Variants in BRSK1 observed in about 807,000 individuals in gnomAD.
BRSK1 encodes serine/threonine-protein kinase BRSK1.
BRSK1 carries 17 observed loss-of-function variants against 86.2 expected under a neutral mutation model. That is an observed-to-expected ratio of 0.20 (90% CI 0.14 to 0.30). The LOEUF is 0.30. Ranked by LOEUF, BRSK1 falls within the 10% of genes least tolerant of loss-of-function variation. The pLI, the probability that BRSK1 is intolerant of heterozygous loss-of-function variation, is 1.00. For synonymous variants in BRSK1, 464 were observed against 440.1 expected (o/e 1.05, Z -0.68); for missense variants, 719 against 1,071.9 (o/e 0.67, Z 4.60).
At chr19:55,300,306 C>A (rs934713532) in intron 7 of BRSK1, among the ~76,000 whole-genome samples, 1 of 152,186 alleles carries the variant, frequency 6.6e-6, no homozygotes, top group East Asian at 1.9e-4. Flanking sequence ...TCAGTTCATT[C>A]TGATGCAGTC....
At chr19:55,296,689 A>C (rs542678211) in intron 7 of BRSK1, among the ~76,000 whole-genome samples, 100 of 152,284 alleles carry the variant, frequency 6.6e-4, no homozygotes, top group African/African-American at 2.3e-3. Flanking sequence ...TACTAAAAAT[A>C]CAAAAAAAAT....
At position 55,301,667 on chromosome 19, in the gene BRSK1, A is replaced by AG. The variant is rs767436983; in HGVS notation, c.825+16dup. ...CCGAAAAAAGGCTCAGTGTGAGTTGAGGGGGGGACCGGCGGAGGGGGGAAC... is the reference window on the plus strand; with the variant it reads ...CCGAAAAAAGGCTCAGTGTGAGTTGAGGGGGGGGACCGGCGGAGGGGGGAAC... On this transcript the variant is annotated intron_variant, in intron 8 of 18. Coordinates refer to ENST00000309383, the MANE Select transcript of BRSK1 (RefSeq NM_032430.2). 29 of 1,608,764 alleles carry AG rather than the reference A, an allele frequency of 1.8e-5. No individual in the cohort carries two copies. The highest frequency in any genetic ancestry group is 4.5e-5 in the East Asian group (2 of 44,674).
chr19:55,294,312 C>A lies in BRSK1; in HGVS notation c.610-17C>A. The A allele has an allele frequency of 6.2e-7, 1 of 1,614,162 alleles. No individual in the cohort carries two copies. The highest frequency in any genetic ancestry group is 1.6e-4 in the Middle Eastern group (1 of 6,062). ...GCAGTGAGGAGCGATGAAGTCACAA[C>A]TGGCCTTCCCTTCCAGGGGGAAAAA... On this transcript the variant is annotated splice_polypyrimidine_tract_variant and intron_variant, in intron 6 of 18. Transcript: ENST00000309383. The surrounding 1 kb of genome is among the most constrained non-coding windows in gnomAD (Gnocchi z 4.9).
chr19:55,284,017 CG>C lies in BRSK1; in HGVS notation c.-424del. On this transcript the variant is annotated 5_prime_UTR_variant, in exon 1 of 19. An upstream open reading frame in the 5' UTR loses its in-frame stop. Coordinates refer to ENST00000309383, the MANE Select transcript of BRSK1 (RefSeq NM_032430.2). ...TCCCCGGATGGTGATGTCAGCGTGC[CG>C]GAGAGAAAGGACGAGGTGGCGGGGG... is the stretch of plus-strand genomic sequence containing the variant. The C allele has an allele frequency of 8.1e-7, 1 of 1,230,494 alleles. No homozygotes were observed. The highest frequency in any genetic ancestry group is 3.8e-5 in the South Asian group (1 of 26,236). 76.2% of individuals were successfully genotyped at this position (1,230,494 alleles called of 1,614,324 possible).
At position 55,284,490 on chromosome 19, in the gene BRSK1, C is replaced by CCGGGCG; in HGVS notation, c.49_50insGGGCGC (p.His16_Leu17insArgAla). The stretch of plus-strand genomic sequence containing the variant: ...GAGGTGGGGGCTCTCCCGCCTACCA[C>CCGGGCG]CTCCCCCACCCCCACCCCCACCCAC... On this transcript the variant is annotated inframe_insertion, in exon 1 of 19. Coordinates refer to ENST00000309383, the MANE Select transcript of BRSK1 (RefSeq NM_032430.2). 1 of 1,125,956 alleles carries CCGGGCG rather than the reference C, an allele frequency of 8.9e-7. No individual in the cohort carries two copies. The highest frequency in any genetic ancestry group is 1.2e-6 in the Non-Finnish European group (1 of 838,974). The allele number at this position is 1,125,956 out of a possible 1,614,324, so 69.7% of individuals were successfully genotyped here. A position where few individuals can be genotyped will look rare whatever the true frequency, so the allele number is the denominator to read the frequency against.
At chr19:55,285,945 A>G (rs2088303343) in intron 1 of BRSK1, among the ~76,000 whole-genome samples, 1 of 150,340 alleles carries the variant, frequency 6.7e-6, no homozygotes, top group African/African-American at 2.4e-5. Context: ...TCAGACCTGG[A>G]CTGGGTCTGA....
Position 55,304,990 on chromosome 19 carries a change from G to A in BRSK1, c.1717+70G>A. The A allele has an allele frequency of 6.3e-7, 1 of 1,580,174 alleles. No individual in the cohort carries two copies. Among genetic ancestry groups the A allele is most frequent in the Non-Finnish European group, 8.5e-7 (1 of 1,170,750 alleles). On this transcript the variant is annotated intron_variant, in intron 14 of 18. Transcript: ENST00000309383. This position sits in a 1 kb window ranked among gnomAD's most constrained non-coding sequence, Gnocchi z 5.2. ...GGGCTAAAAATCTGGTTCCAGGGAT[G>A]TCCGTCTGGCGTGTCTAGAGAGGAA...
rs988890261 is a variant in BRSK1 at position 55,300,560 on chromosome 19, T to C, written c.679-952T>C. Among the ~76,000 whole-genome samples, 15 of 151,474 alleles carry C rather than the reference T, an allele frequency of 9.9e-5. No individual in the cohort carries two copies. The East Asian group carries it at 2.7e-3, about 28-fold the overall frequency. On this transcript the variant is annotated intron_variant, in intron 7 of 18. Transcript: ENST00000309383. ...TCTGCTAAAAATACAAAAATTAGGC[T>C]GGGTGTGGTGGCTCACGCCTGTAAT... is the stretch of plus-strand genomic sequence containing the variant.
chr19:55,294,311 A>G lies in BRSK1; in HGVS notation c.610-18A>G, dbSNP rs763779659. 1.9e-6 allele frequency: 3 copies of G among 1,614,128 alleles called. No homozygotes were observed. The highest frequency in any genetic ancestry group is 2.5e-6 in the Non-Finnish European group (3 of 1,180,036). On this transcript the variant is annotated intron_variant, in intron 6 of 18. Transcript: ENST00000309383. This position sits in a 1 kb window ranked among gnomAD's most constrained non-coding sequence, Gnocchi z 4.9. ...AGCAGTGAGGAGCGATGAAGTCACA[A>G]CTGGCCTTCCCTTCCAGGGGGAAAA...
chr19:55,305,554 A>G lies in BRSK1; in HGVS notation c.1858A>G (p.Ile620Val), dbSNP rs1264990132. The change falls in exon 16 of 19, where the codon ATC becomes GTC. Residue 620 changes from isoleucine to valine, a missense_variant. By Grantham distance (29) the Ile-to-Val change is conservative (BLOSUM62 3). Transcript: ENST00000309383. ...LVLKDKPLSS[I>V]KADIVHAFLS... ...GCTAAAGGACAAACCTCTCAGCAGC[A>G]TCAAAGCAGACATCGTCCATGCCTT... 1.2e-6 allele frequency: 2 copies of G among 1,614,202 alleles called. No homozygotes were observed. Among genetic ancestry groups the G allele is most frequent in the Non-Finnish European group, 1.7e-6 (2 of 1,180,028 alleles).
At chr19:55,293,987 A>T (rs2088447124) in intron 4 of BRSK1, 30 bp from the exon 5 acceptor site, 12 of 1,579,454 alleles carry the variant, frequency 7.6e-6, no homozygotes, top group Non-Finnish European at 1.0e-5. Flanking sequence ...GGAGGAAGGA[A>T]GAGGCCTGAG....
chr19:55,308,651 G>T lies in BRSK1; in HGVS notation c.2102G>T (p.Arg701Leu). 1 of 1,609,766 alleles carries T rather than the reference G, an allele frequency of 6.2e-7. No homozygotes were observed. Among genetic ancestry groups the T allele is most frequent in the Non-Finnish European group, 8.5e-7 (1 of 1,178,032 alleles). Residue 701 changes from arginine to leucine, a missense_variant, in exon 18 of 19, where the codon CGG becomes CTG. By Grantham distance (102) the Arg-to-Leu change is moderately radical (BLOSUM62 -2). Coordinates refer to ENST00000309383, the MANE Select transcript of BRSK1 (RefSeq NM_032430.2). The stretch of plus-strand genomic sequence containing the variant: ...CCTGTGCCTCTAGGTCCCAGCCGTC[G>T]GTTCAAGCGAGTGGTGGAGACCATC... The part of the protein sequence containing the change: ...TFTLISGPSR[R>L]FKRVVETIQA...
chr19:55,304,589 A>G lies in BRSK1; in HGVS notation c.1386A>G (p.Gly462=). ...CCTTTTCACCGGAGCCGGGGGCTGG[A>G]GATGAGGCTCGAGGCGGGGGCTCCC... ...VFSFSPEPGA[G]DEARGGGSPT... is the part of the protein sequence containing the mutation. Residue 462 remains glycine (G), a synonymous_variant, in exon 14 of 19, where the codon GGA becomes GGG. Transcript: ENST00000309383. The surrounding 1 kb of genome is among the most constrained non-coding windows in gnomAD (Gnocchi z 5.2). 6.3e-7 allele frequency: 1 copy of G among 1,585,706 alleles called. No homozygotes were observed.
rs1198824970 is a variant in BRSK1, at chr19:55,310,127, G to A, written c.2179+1399G>A. ...GTTTCACCCCGTGTTTGTTTTCTATGGCCGCCGTCAACAAATGACACAGCC... is the reference window on the plus strand; with the variant it reads ...GTTTCACCCCGTGTTTGTTTTCTATAGCCGCCGTCAACAAATGACACAGCC... On this transcript the variant is annotated intron_variant, in intron 18 of 18. Transcript: ENST00000309383. This position sits in a 1 kb window ranked among gnomAD's most constrained non-coding sequence, Gnocchi z 5.0. 6.6e-6 allele frequency among the ~76,000 whole-genome samples: 1 copy of A among 152,216 alleles called. No homozygotes were observed. The highest frequency in any genetic ancestry group is 2.4e-5 in the African/African-American group (1 of 41,464).
In BRSK1 at chr19:55,302,775, C is replaced by A; in HGVS notation, c.936C>A (p.Asn312Lys). 3.7e-6 allele frequency: 6 copies of A among 1,613,812 alleles called. No individual in the cohort carries two copies. Among genetic ancestry groups the A allele is most frequent in the South Asian group, 2.2e-5 (2 of 91,084 alleles). ...TAGCCATGCGGAGCCTGCCATCCAACGGAGAGCTGGACCCCGACGTCCTAG... is the reference window on the plus strand; with the variant it reads ...TAGCCATGCGGAGCCTGCCATCCAAAGGAGAGCTGGACCCCGACGTCCTAG... ...RRVAMRSLPS[N>K]GELDPDVLES... is the part of the protein sequence containing the mutation. The change falls in exon 10 of 19, where the codon AAC (asparagine) becomes AAA (lysine). Residue 312 changes from asparagine (N) to lysine (K), a missense_variant. Physicochemically the swap from Asn to Lys is moderately conservative, Grantham distance 94. This residue lies in a region of BRSK1 where 168 missense variants were observed against 246.3 expected (regional missense o/e 0.68). Coordinates refer to ENST00000309383, the MANE Select transcript of BRSK1 (RefSeq NM_032430.2). The surrounding 1 kb of genome is among the most constrained non-coding windows in gnomAD (Gnocchi z 6.3).
Position 55,304,718 on chromosome 19 carries a change from C to T in BRSK1, c.1515C>T (p.Pro505=). 4.0e-6 allele frequency: 6 copies of T among 1,507,214 alleles called. No homozygotes were observed. The highest frequency in any genetic ancestry group is 1.3e-5 in the South Asian group (1 of 79,166). 93.4% of individuals were successfully genotyped at this position (1,507,214 alleles called of 1,614,324 possible). The part of the protein sequence containing the change: ...PSARSTPLPG[P]PGSPRSSGGT... The stretch of plus-strand genomic sequence containing the variant: ...CCCGCTCCACACCCCTGCCCGGCCC[C>T]CCAGGCTCCCCGCGCTCCTCTGGCG... The change falls in exon 14 of 19, where the codon CCC becomes CCT. Residue 505 remains proline, a synonymous_variant. Coordinates refer to ENST00000309383, the MANE Select transcript of BRSK1 (RefSeq NM_032430.2). This position sits in a 1 kb window ranked among gnomAD's most constrained non-coding sequence, Gnocchi z 5.2.
At position 55,303,357 on chromosome 19, in the gene BRSK1, G is replaced by A. The variant is rs1338557061; in HGVS notation, c.1075G>A (p.Glu359Lys). 6.2e-7 allele frequency: 1 copy of A among 1,614,006 alleles called. No homozygotes were observed. The highest frequency in any genetic ancestry group is 8.5e-7 in the Non-Finnish European group (1 of 1,180,004). ...ATATTATCTGCTTTTGGATCGGAAGGAGCGGTATCCCAGCTGTGAGGACCA... is the reference window on the plus strand; with the variant it reads ...ATATTATCTGCTTTTGGATCGGAAGAAGCGGTATCCCAGCTGTGAGGACCA... ...MIYYLLLDRK[E>K]RYPSCEDQDL... Residue 359 changes from glutamate (E) to lysine (K), a missense_variant, in exon 11 of 19, where the codon GAG becomes AAG. Around this residue, in one of 6 missense-constraint regions of BRSK1, gnomAD observed 168 missense variants for 246.3 expected, o/e 0.68. Transcript: ENST00000309383. This position sits in a 1 kb window ranked among gnomAD's most constrained non-coding sequence, Gnocchi z 5.1.
At position 55,284,492 on chromosome 19, in the gene BRSK1, T is replaced by TC; in HGVS notation, c.55dup (p.His19ProfsTer31). The TC allele has an allele frequency of 1.4e-5, 11 of 776,226 alleles. No individual in the cohort carries two copies. The highest frequency in any genetic ancestry group is 2.0e-5 in the Non-Finnish European group (11 of 546,142). 48.1% of individuals were successfully genotyped at this position (776,226 alleles called of 1,614,324 possible). A position where few individuals can be genotyped will look rare whatever the true frequency, so the allele number is the denominator to read the frequency against. On this transcript the variant is annotated frameshift_variant, in exon 1 of 19. Transcript: ENST00000309383. LOFTEE classifies it high-confidence loss of function. ...GGTGGGGGCTCTCCCGCCTACCACCTCCCCCACCCCCACCCCCACCCACCC... is the reference window on the plus strand; with the variant it reads ...GGTGGGGGCTCTCCCGCCTACCACCTCCCCCCACCCCCACCCCCACCCACCC...
chr19:55,296,298 T>C (rs1469498487), intron 7 of BRSK1, among the ~76,000 whole-genome samples: 3 of 152,206 alleles, frequency 2.0e-5, no homozygotes, highest in Non-Finnish European at 4.4e-5. Flanking sequence ...TCAGGGCCGA[T>C]GTCTGGGGCA....
Sources: allele counts gnomAD v4.1 joint callset (sites outside exome capture counted in the v4.1 genomes callset), GRCh38; gene constraint gnomAD v4.1.1; regional missense constraint gnomAD v4.1.1; non-coding constraint Gnocchi (gnomAD v3.1); transcripts MANE v1.5; gene names NCBI Gene and HGNC (gene_info 2026-07-23, HGNC 2026-07-21).